The following TOX variants were observed in gnomAD, a reference collection of about 807,000 sequenced individuals.
The protein encoded by TOX is thymocyte selection associated high mobility group box, also known as thymocyte selection-associated high mobility group box protein TOX.
A neutral mutation model predicts 53.7 loss-of-function variants in TOX; 11 were observed. That is an observed-to-expected ratio of 0.20 (90% CI 0.13 to 0.34). TOX has a LOEUF of 0.34. Among genes scored for constraint, TOX ranks in the 10% least tolerant of loss-of-function variants. The probability of loss-of-function intolerance (pLI) is 1.00; values close to 1 mark genes in which losing one functional copy is unlikely to be tolerated. For synonymous variants in TOX, 225 were observed against 245.3 expected (o/e 0.92, Z 0.77); for missense variants, 570 against 664.6 (o/e 0.86, Z 1.56).
chr8:59,073,247 A>G (rs1367364970), intron 1 of TOX, among the ~76,000 whole-genome samples: 2 of 152,202 alleles, frequency 1.3e-5, no homozygotes, highest in African/African-American at 4.8e-5. Flanking sequence ...TCTGTTTATC[A>G]TCTTAGAAGG....
chr8:58,817,575 C>T (rs1376597988), intron 6 of TOX, among the ~76,000 whole-genome samples: 5 of 152,056 alleles, frequency 3.3e-5, no homozygotes, highest in South Asian at 2.1e-4. Context: ...AAAATTATTC[C>T]GTATATGCCA....
At chr8:58,935,946 C>G (rs1253020714) in intron 3 of TOX, among the ~76,000 whole-genome samples, 3 of 152,148 alleles carry the variant, frequency 2.0e-5, no homozygotes, top group Non-Finnish European at 4.4e-5. Context: ...GGCTTAATGG[C>G]ACACCACACT....
At chr8:59,002,567 G>C (rs1813712407) in intron 1 of TOX, among the ~76,000 whole-genome samples, 1 of 150,732 alleles carries the variant, frequency 6.6e-6, no homozygotes, top group Non-Finnish European at 1.5e-5. Flanking sequence ...CTCCAGCCTG[G>C]GCAACACAGC....
At chr8:59,101,146 T>C (rs191196867) in intron 1 of TOX, among the ~76,000 whole-genome samples, 67 of 152,302 alleles carry the variant, frequency 4.4e-4, no homozygotes, top group Non-Finnish European at 8.8e-4. Flanking sequence ...TATTCAGAGC[T>C]CAATAGTAAT....
chr8:58,812,093 G>A (rs1314744584), intron 7 of TOX, among the ~76,000 whole-genome samples: 1 of 152,170 alleles, frequency 6.6e-6, no homozygotes, highest in Non-Finnish European at 1.5e-5. Flanking sequence ...GCATAAAGGT[G>A]TTTTGAATGA....
chr8:58,996,396 A>G (rs901675397), intron 1 of TOX, among the ~76,000 whole-genome samples: 2 of 152,228 alleles, frequency 1.3e-5, no homozygotes, highest in Admixed American at 6.5e-5. Context: ...TCTCAGAATC[A>G]TCAAGGTTCC....
chr8:59,055,173 A>C (rs1803868813), intron 1 of TOX, among the ~76,000 whole-genome samples: 1 of 152,158 alleles, frequency 6.6e-6, no homozygotes, highest in Admixed American at 6.5e-5. Context: ...TTCAAAACTA[A>C]GCTTGCTGTG....
chr8:58,879,511 G>A (rs1811346358), intron 3 of TOX, among the ~76,000 whole-genome samples: 1 of 135,310 alleles, frequency 7.4e-6, no homozygotes, highest in Non-Finnish European at 1.5e-5. Flanking sequence ...TGGAGATTGT[G>A]AAGTAAAAAC....
intron 1 of TOX, among the ~76,000 whole-genome samples, chr8:59,054,872 CAA>C (rs150462874): frequency 1.3e-5 from 1 of 75,432 alleles, no homozygotes; most frequent in East Asian, 2.3e-4. Context: ...AAAGAGAAAG[CAA>C]AAAAAAAGAA....
chr8:58,994,811 G>T (rs1813528406), intron 1 of TOX, among the ~76,000 whole-genome samples: 1 of 152,160 alleles, frequency 6.6e-6, no homozygotes, highest in South Asian at 2.1e-4. Flanking sequence ...TGTCGGAACA[G>T]CTAACCTGAC....
At position 59,107,051 on chromosome 8, in the gene TOX, G is replaced by C. The variant is rs1047051125; in HGVS notation, c.102+11835C>G. Among the ~76,000 whole-genome samples the C allele has an allele frequency of 1.2e-4, 16 of 131,032 alleles. 4 individuals carry two copies. The highest frequency in any genetic ancestry group is 2.7e-4 in the South Asian group (1 of 3,770). The allele number at this position is 131,032 out of a possible 152,430, so 86.0% of individuals were successfully genotyped here. On this transcript the variant is annotated intron_variant, in intron 1 of 8. Coordinates refer to ENST00000361421, the MANE Select transcript of TOX (RefSeq NM_014729.3). ...GATCTTATAAAGCAGTTTGCTGGGGGGGGGGGGAACGTGACATTTCTAATT... is the reference window on the plus strand; with the variant it reads ...GATCTTATAAAGCAGTTTGCTGGGGCGGGGGGGAACGTGACATTTCTAATT...
At chr8:58,962,268 C>A (rs1812812730) in intron 1 of TOX, among the ~76,000 whole-genome samples, 1 of 152,172 alleles carries the variant, frequency 6.6e-6, no homozygotes, top group South Asian at 2.1e-4. Context: ...TGAGCCAAGA[C>A]TAAAACAGCA....
chr8:59,083,327 C>A (rs1378502055), intron 1 of TOX, among the ~76,000 whole-genome samples: 3 of 152,066 alleles, frequency 2.0e-5, no homozygotes, highest in Non-Finnish European at 2.9e-5. Context: ...ATTTTAAATA[C>A]CTTTAGTTCT....
intron 7 of TOX, among the ~76,000 whole-genome samples, chr8:58,813,648 TG>T (rs1810122289): frequency 6.6e-6 from 1 of 152,200 alleles, no homozygotes; most frequent in Non-Finnish European, 1.5e-5. Context: ...GGCAGGGTGG[TG>T]GGAAGTGGCT....
intron 5 of TOX, among the ~76,000 whole-genome samples, chr8:58,831,483 G>A (rs1585849075): frequency 6.6e-6 from 1 of 152,140 alleles, no homozygotes; most frequent in East Asian, 1.9e-4. Context: ...TAATGAATAT[G>A]GGATAATCCC....
At chr8:58,854,445 C>T (rs1810878183) in intron 3 of TOX, among the ~76,000 whole-genome samples, 2 of 152,096 alleles carry the variant, frequency 1.3e-5, no homozygotes, top group African/African-American at 4.8e-5. Context: ...GTCTTGCAAT[C>T]TTCTAAGATG....
intron 1 of TOX, among the ~76,000 whole-genome samples, chr8:59,005,448 A>T (rs1225785711): frequency 1.3e-5 from 2 of 152,200 alleles, no homozygotes; most frequent in Non-Finnish European, 2.9e-5. Context: ...AGGGAGGTCT[A>T]TTCACTTTCT....
intron 1 of TOX, among the ~76,000 whole-genome samples, chr8:59,009,911 T>C (rs1350910075): frequency 6.6e-6 from 1 of 152,178 alleles, no homozygotes; most frequent in Non-Finnish European, 1.5e-5. Flanking sequence ...AATAAAAATA[T>C]ATTAAGAAAT....
chr8:58,865,130 C>A (rs900559413), intron 3 of TOX, among the ~76,000 whole-genome samples: 7 of 152,078 alleles, frequency 4.6e-5, no homozygotes, highest in Admixed American at 3.3e-4. Context: ...GAGATGTTGA[C>A]CTTAAAGACC....
Sources: gnomAD v4.1 joint callset for allele counts (sites outside exome capture counted in the v4.1 genomes callset) on GRCh38, gnomAD v4.1.1 for gene constraint, MANE v1.5 for transcripts, NCBI Gene and HGNC (gene_info 2026-07-23, HGNC 2026-07-21) for gene names.